Variants in ZNF19 observed in about 807,000 individuals in gnomAD.
The protein encoded by ZNF19 is zinc finger protein 19 (KOX 12).
A neutral mutation model predicts 13.1 loss-of-function variants in ZNF19; 11 were observed. The ratio of observed to expected loss-of-function variants is 0.84; its 90% CI spans 0.53 to 1.39. ZNF19 has a LOEUF of 1.39. ZNF19 is among the 40% of genes most tolerant of loss of function. The pLI, the probability that ZNF19 is intolerant of heterozygous loss-of-function variation, is 0.00. For missense variants in ZNF19, 560 were observed against 547.0 expected, an observed-to-expected ratio of 1.02 and a Z score of -0.24; for synonymous variants, 186 against 187.0, an observed-to-expected ratio of 0.99 and a Z score of 0.04.
Position 71,476,261 on chromosome 16 carries a change from T to C in ZNF19, c.286A>G (p.Asn96Asp), listed in dbSNP as rs1338528982. Reference sequence around the variant, plus strand: ...ATTAATGTGGACTCACTGTCAATGTTGGTCTCAACATCTGACATAAGAGAT... The same window carrying C: ...ATTAATGTGGACTCACTGTCAATGTCGGTCTCAACATCTGACATAAGAGAT... ...TKNVCKDVET[N>D]IDSESTLIQG... Residue 96 changes from asparagine (N) to aspartate (D), a missense_variant, in exon 6 of 6, where the codon AAC becomes GAC. Asn to Asp is a conservative substitution (Grantham distance 23). Transcript: ENST00000288177. 3 of 1,611,162 alleles carry C rather than the reference T, an allele frequency of 1.9e-6. No homozygotes were observed. In the Admixed American group the frequency reaches 5.0e-5, roughly 27 times the overall value.
rs766749424 is a variant in ZNF19, at chr16:71,475,759, T to C, written c.788A>G (p.His263Arg). Residue 263 changes from histidine to arginine, a missense_variant, in exon 6 of 6, where the codon CAT becomes CGT. Physicochemically the swap from His to Arg is conservative, Grantham distance 29 (BLOSUM62 0). Coordinates refer to ENST00000288177, the MANE Select transcript of ZNF19 (RefSeq NM_006961.4). The stretch of plus-strand genomic sequence containing the variant: ...TTTCTCCCCAGTGTGGATTCTCTGA[T>C]GTATAACAAACTCGGAACTACTCGT... ...SFTSSSEFVIHQRIHTGEKPY... is the reference protein window; with the variant it reads ...SFTSSSEFVIRQRIHTGEKPY... The C allele has an allele frequency of 2.5e-6, 4 of 1,613,012 alleles. No homozygotes were observed. Among genetic ancestry groups the C allele is most frequent in the East Asian group, 2.2e-5 (1 of 44,866 alleles).
At chr16:71,477,250 T>C (rs1195667728) in intron 5 of ZNF19, among the ~76,000 whole-genome samples, 1 of 152,098 alleles carries the variant, frequency 6.6e-6, no homozygotes, top group East Asian at 1.9e-4. Context: ...TAATCTGAGA[T>C]TGAAGTAAAC....
chr16:71,476,107 A>G lies in ZNF19; in HGVS notation c.440T>C (p.Ile147Thr). ...GGGGATTCTTGGAACCTTTCCTTGG[A>G]TATTTTTCACTGTGGGGATGTCCTG... ...KHQDIPTVKN[I>T]QGKVPRIPCA... The change falls in exon 6 of 6, where the codon ATC becomes ACC. Residue 147 changes from isoleucine (I) to threonine (T), a missense_variant. By Grantham distance (89) the Ile-to-Thr change is moderately conservative. Transcript: ENST00000288177. 2 of 1,614,162 alleles carry G rather than the reference A, an allele frequency of 1.2e-6. No individual in the cohort carries two copies. The highest frequency in any genetic ancestry group is 2.2e-5 in the East Asian group (1 of 44,884).
At chr16:71,488,422 A>C (rs917479543) in intron 1 of ZNF19, among the ~76,000 whole-genome samples, 6 of 152,114 alleles carry the variant, frequency 3.9e-5, no homozygotes, top group Non-Finnish European at 8.8e-5. Context: ...CGAAACTCAG[A>C]ACAAAACTGT....
In ZNF19 at chr16:71,475,906, T is replaced by G; in HGVS notation, c.641A>C (p.Glu214Ala). The G allele has an allele frequency of 6.2e-7, 1 of 1,613,530 alleles. No homozygotes were observed. Among genetic ancestry groups the G allele is most frequent in the Non-Finnish European group, 8.5e-7 (1 of 1,179,734 alleles). The change falls in exon 6 of 6, where the codon GAG becomes GCG. Residue 214 changes from glutamate to alanine, a missense_variant. Glu to Ala is a moderately radical substitution (Grantham distance 107). Coordinates refer to ENST00000288177, the MANE Select transcript of ZNF19 (RefSeq NM_006961.4). Reference sequence around the variant, plus strand: ...ACACTCCTCACACTGATAGGGTCTCTCTCCAGTGTGAATCCTCTGGTGCCG... The same window carrying G: ...ACACTCCTCACACTGATAGGGTCTCGCTCCAGTGTGAATCCTCTGGTGCCG... ...LIRHQRIHTG[E>A]RPYQCEECGR...
In ZNF19 at chr16:71,475,731, G is replaced by T. The variant is rs2288488; in HGVS notation, c.816C>A (p.Pro272=). The T allele has an allele frequency of 1.9e-6, 3 of 1,613,816 alleles. No homozygotes were observed. The highest frequency in any genetic ancestry group is 2.5e-6 in the Non-Finnish European group (3 of 1,179,936). Reference sequence around the variant, plus strand: ...CTTTGCCACACTCATTACACTCATAGGGTTTCTCCCCAGTGTGGATTCTCT... The same window carrying T: ...CTTTGCCACACTCATTACACTCATATGGTTTCTCCCCAGTGTGGATTCTCT... ...IHQRIHTGEK[P]YECNECGKAF... The change falls in exon 6 of 6, where the codon CCC becomes CCA. Residue 272 remains proline (P), a synonymous_variant. Transcript: ENST00000288177.
At chr16:71,485,117 GTCC>G (rs1484252722) in intron 1 of ZNF19, among the ~76,000 whole-genome samples, 3 of 152,244 alleles carry the variant, frequency 2.0e-5, no homozygotes, top group East Asian at 3.9e-4. Context: ...CAAAAAAGCT[GTCC>G]TCCTTAGAGG....
At position 71,478,333 on chromosome 16, in the gene ZNF19, C is replaced by G. The variant is rs1246622495; in HGVS notation, c.169G>C (p.Val57Leu). 1.9e-6 allele frequency: 3 copies of G among 1,612,612 alleles called. No individual in the cohort carries two copies. Among genetic ancestry groups the G allele is most frequent in the Non-Finnish European group, 8.5e-7 (1 of 1,178,876 alleles). ...AGTGAGATCAGTGCAGGTTTGGGAA[C>G]TGGGTACCCTGAAAACAGGAAGAAA... ...FGNLTALGYPVPKPALISLLE... is the reference protein window; with the variant it reads ...FGNLTALGYPLPKPALISLLE... The change falls in exon 5 of 6, where the codon GTT becomes CTT. Residue 57 changes from valine (V) to leucine (L), a missense_variant. By Grantham distance (32) the Val-to-Leu change is conservative. Coordinates refer to ENST00000288177, the MANE Select transcript of ZNF19 (RefSeq NM_006961.4).
intron 5 of ZNF19, among the ~76,000 whole-genome samples, chr16:71,476,901 G>A (rs114042407): frequency 2.5e-3 from 386 of 152,222 alleles, no homozygotes; most frequent in African/African-American, 9.0e-3. Context: ...ATGAGGAAAC[G>A]CCCTAAAACT....
intron 2 of ZNF19, among the ~76,000 whole-genome samples, chr16:71,482,860 C>A (rs952078276): frequency 6.6e-6 from 1 of 152,218 alleles, no homozygotes; most frequent in Non-Finnish European, 1.5e-5. Context: ...TGCCACCACA[C>A]CTGGCTCATT....
intron 2 of ZNF19, 161 bp from the exon 3 acceptor site, chr16:71,482,304 G>C (rs1381251336): frequency 1.6e-6 from 1 of 631,458 alleles, no homozygotes; most frequent in Non-Finnish European, 2.8e-6. Flanking sequence ...ATACCATGAG[G>C]TTTGTAATTC....
intron 1 of ZNF19, 102 bp downstream of exon 1, chr16:71,489,170 G>A (rs993903664): frequency 9.2e-6 from 8 of 866,976 alleles, no homozygotes; most frequent in Non-Finnish European, 9.7e-6. Context: ...CGCCCTCCCC[G>A]TCCCCTTCTT....
In ZNF19 at chr16:71,475,091, C is replaced by T; in HGVS notation, c.*79G>A. On this transcript the variant is annotated 3_prime_UTR_variant, in exon 6 of 6. Transcript: ENST00000288177. ...TGTGGCTTGAGGGATGGATCAGAGG[C>T]TGAGTCAGGCCTGTGTCACACATTC... 6.9e-7 allele frequency: 1 copy of T among 1,447,118 alleles called. No homozygotes were observed. The allele number at this position is 1,447,118 out of a possible 1,614,324, so 89.6% of individuals were successfully genotyped here.
chr16:71,483,023 C>A (rs1481146038), intron 2 of ZNF19, among the ~76,000 whole-genome samples: 3 of 152,244 alleles, frequency 2.0e-5, no homozygotes, highest in Non-Finnish European at 4.4e-5. Flanking sequence ...ACACTAAATT[C>A]TTTCCAATAG....
Position 71,475,568 on chromosome 16 carries a change from T to C in ZNF19, c.979A>G (p.Lys327Glu), listed in dbSNP as rs746391489. 6.2e-7 allele frequency: 1 copy of C among 1,614,134 alleles called. No homozygotes were observed. Among genetic ancestry groups the C allele is most frequent in the Non-Finnish European group, 8.5e-7 (1 of 1,180,038 alleles). The part of the protein sequence containing the change: ...SQHQRIHTGE[K>E]PYSCKVCGQA... ...CCACATACTTTACAAGAATAAGGCT[T>C]TTCCCCTGTGTGAATACGCTGATGT... The change falls in exon 6 of 6, where the codon AAG becomes GAG. Residue 327 changes from lysine to glutamate, a missense_variant. Transcript: ENST00000288177.
chr16:71,475,976 A>G lies in ZNF19; in HGVS notation c.571T>C (p.Cys191Arg). The change falls in exon 6 of 6, where the codon TGT becomes CGT. Residue 191 changes from cysteine to arginine, a missense_variant. Physicochemically the swap from Cys to Arg is radical, Grantham distance 180. Transcript: ENST00000288177. ...RIHTGEKPFE[C>R]SECGKAFNGN... Reference sequence around the variant, plus strand: ...TTAAAGGCTTTTCCACACTCACTACACTCAAAAGGTTTCTCCCCAGTGTGG... The same window carrying G: ...TTAAAGGCTTTTCCACACTCACTACGCTCAAAAGGTTTCTCCCCAGTGTGG... 1.2e-6 allele frequency: 2 copies of G among 1,613,962 alleles called. No homozygotes were observed. The highest frequency in any genetic ancestry group is 2.2e-5 in the South Asian group (2 of 91,070).
At chr16:71,479,315 G>C (rs1248372732) in intron 3 of ZNF19, among the ~76,000 whole-genome samples, 1 of 152,152 alleles carries the variant, frequency 6.6e-6, no homozygotes, top group African/African-American at 2.4e-5. Flanking sequence ...AAATCTCTTT[G>C]ATTTAGTAAA....
chr16:71,486,595 A>T (rs2043680442), intron 1 of ZNF19, among the ~76,000 whole-genome samples: 1 of 152,168 alleles, frequency 6.6e-6, no homozygotes, highest in African/African-American at 2.4e-5. Flanking sequence ...CTAAATCCTG[A>T]ATTTATACCA....
At position 71,482,102 on chromosome 16, in the gene ZNF19, G is replaced by C; in HGVS notation, c.13C>G (p.Pro5Ala). 6.2e-7 allele frequency: 1 copy of C among 1,614,134 alleles called. No homozygotes were observed. Among genetic ancestry groups the C allele is most frequent in the Non-Finnish European group, 8.5e-7 (1 of 1,180,012 alleles). Residue 5 changes from proline (P) to alanine (A), a missense_variant, in exon 3 of 6, where the codon CCT (proline) becomes GCT (alanine). Coordinates refer to ENST00000288177, the MANE Select transcript of ZNF19 (RefSeq NM_006961.4). MAAMPLKAQYQEMVT... is the reference protein window; with the variant it reads MAAMALKAQYQEMVT... ...CTCACCTGGTATTGAGCTTTCAGAG[G>C]CATGGCTGCCATGACCTGGTCTCCC...
Sources: gnomAD v4.1 joint callset for allele counts (sites outside exome capture counted in the v4.1 genomes callset) on GRCh38, gnomAD v4.1.1 for gene constraint, MANE v1.5 for transcripts, NCBI Gene and HGNC (gene_info 2026-07-23, HGNC 2026-07-21) for gene names.